Variants in CHD9 observed in about 807,000 individuals in gnomAD.
CHD9 encodes chromodomain helicase DNA binding protein 9.
Under a neutral mutation model 316.1 loss-of-function variants are expected in CHD9, and 77 were observed. The ratio of observed to expected loss-of-function variants is 0.24; its 90% CI spans 0.20 to 0.29. CHD9 has a LOEUF of 0.29. CHD9 is among the 10% of genes least tolerant of loss of function. The probability of loss-of-function intolerance (pLI) is 1.00; values close to 1 mark genes in which losing one functional copy is unlikely to be tolerated. For synonymous variants in CHD9, 1,129 were observed against 1,158.3 expected (o/e 0.97, Z 0.51); for missense variants, 2,763 against 3,438.1 (o/e 0.80, Z 4.91).
chr16:53,177,074 G>A (rs1203583381), intron 2 of CHD9, among the ~76,000 whole-genome samples: 2 of 152,132 alleles, frequency 1.3e-5, no homozygotes, highest in Non-Finnish European at 2.9e-5. Flanking sequence ...TCCTGCCTCA[G>A]CCTCCCAGGT....
intron 2 of CHD9, among the ~76,000 whole-genome samples, chr16:53,176,986 C>CA (rs2043138167): frequency 6.6e-6 from 1 of 152,114 alleles, no homozygotes; most frequent in Admixed American, 6.5e-5. Flanking sequence ...GACAGAGTCT[C>CA]ACTTTGTCGC....
rs974396887 is a variant in CHD9 at position 53,170,311 on chromosome 16, A to G, written c.1452+12770A>G. ...TATGTTATAAAAATGTGTTTATAAA[A>G]AATGTGTTATAAAAATTAATGTGTT... On this transcript the variant is annotated intron_variant, in intron 2 of 38. Coordinates refer to ENST00000447540, the MANE Select transcript of CHD9 (RefSeq NM_001308319.2). Among the ~76,000 whole-genome samples the G allele has an allele frequency of 3.9e-5, 6 of 152,316 alleles. No individual in the cohort carries two copies. In the South Asian group the frequency reaches 1.2e-3, roughly 32 times the overall value.
intron 1 of CHD9, among the ~76,000 whole-genome samples, chr16:53,097,783 T>C (rs2036506625): frequency 6.6e-6 from 1 of 152,224 alleles, no homozygotes; most frequent in Admixed American, 6.5e-5. Flanking sequence ...ATTGAATAGT[T>C]AATGAAAATT....
intron 1 of CHD9, among the ~76,000 whole-genome samples, chr16:53,134,969 A>G (rs919373495): frequency 6.6e-6 from 1 of 152,228 alleles, no homozygotes; most frequent in African/African-American, 2.4e-5. Flanking sequence ...TGATCAGTTC[A>G]GTGAAATAAA....
intron 30 of CHD9, among the ~76,000 whole-genome samples, chr16:53,301,347 T>C (rs938764943): frequency 3.3e-5 from 5 of 152,208 alleles, no homozygotes; most frequent in African/African-American, 7.2e-5. Context: ...TTCCACACTT[T>C]ACAGTGTCCT....
chr16:53,171,033 T>TAA (rs988263724), intron 2 of CHD9, among the ~76,000 whole-genome samples: 9 of 152,130 alleles, frequency 5.9e-5, no homozygotes, highest in Non-Finnish European at 1.0e-4. Flanking sequence ...ATAATATATA[T>TAA]AATAATTGTT....
intron 1 of CHD9, among the ~76,000 whole-genome samples, chr16:53,087,417 A>G (rs1178590615): frequency 1.3e-5 from 2 of 152,196 alleles, no homozygotes; most frequent in Non-Finnish European, 2.9e-5. Context: ...AGCTGTGAAT[A>G]TGAGACTCGG....
At chr16:53,125,017 T>A (rs2038908729) in intron 1 of CHD9, among the ~76,000 whole-genome samples, 1 of 152,202 alleles carries the variant, frequency 6.6e-6, no homozygotes, top group Non-Finnish European at 1.5e-5. Context: ...CTCTAACAAC[T>A]AATGTGTTGA....
intron 1 of CHD9, among the ~76,000 whole-genome samples, chr16:53,059,918 G>A (rs373669766): frequency 3.3e-5 from 5 of 152,340 alleles, no homozygotes; most frequent in South Asian, 4.1e-4. Flanking sequence ...AAAAGCAGCC[G>A]TAGATGGTAT....
chr16:53,239,681 A>G, intron 12 of CHD9, among the ~76,000 whole-genome samples: 1 of 152,122 alleles, frequency 6.6e-6, no homozygotes, highest in East Asian at 1.9e-4. Context: ...TTGAAGTAAG[A>G]TAATGTGCAT....
chr16:53,106,709 T>C (rs1170850824), intron 1 of CHD9, among the ~76,000 whole-genome samples: 1 of 152,044 alleles, frequency 6.6e-6, no homozygotes, highest in African/African-American at 2.4e-5. Flanking sequence ...GTGGTTATAG[T>C]GCAGAATCTA....
chr16:53,225,363 G>A (rs184337077), intron 4 of CHD9, among the ~76,000 whole-genome samples: 258 of 152,178 alleles, frequency 1.7e-3, no homozygotes, highest in Middle Eastern at 6.8e-3. Context: ...GCCACTACCC[G>A]CATGAAATGT....
At chr16:53,321,057 C>T (rs537044607) in intron 37 of CHD9, 1 of 374,190 alleles carries the variant, frequency 2.7e-6, no homozygotes, top group African/African-American at 2.1e-5. Flanking sequence ...CATATAATAA[C>T]TTATATTTAT....
intron 2 of CHD9, chr16:53,208,428 T>C (rs2046055887): frequency 1.6e-6 from 2 of 1,229,848 alleles, no homozygotes; most frequent in Non-Finnish European, 2.1e-6. Flanking sequence ...CCTTCCTTAT[T>C]ACTGGCTGCT....
chr16:53,070,471 T>C (rs2033914975), intron 1 of CHD9, among the ~76,000 whole-genome samples: 1 of 148,786 alleles, frequency 6.7e-6, no homozygotes, highest in African/African-American at 2.5e-5. Context: ...GAGTAGCATG[T>C]CTTTCTTTCT....
chr16:53,083,162 G>C (rs949054523), intron 1 of CHD9, among the ~76,000 whole-genome samples: 37 of 152,318 alleles, frequency 2.4e-4, no homozygotes, highest in African/African-American at 8.9e-4. Flanking sequence ...TGTATTTCCT[G>C]AAGTATGAGA....
At chr16:53,075,186 G>A (rs1038848221) in intron 1 of CHD9, among the ~76,000 whole-genome samples, 1 of 152,088 alleles carries the variant, frequency 6.6e-6, no homozygotes, top group African/African-American at 2.4e-5. Context: ...CTTTGTTTTG[G>A]CCAATTTCTC....
In CHD9 at chr16:53,156,879, G is replaced by A; in HGVS notation, c.790G>A (p.Val264Ile). Residue 264 changes from valine to isoleucine, a missense_variant, in exon 2 of 39, where the codon GTC (valine) becomes ATC (isoleucine). Transcript: ENST00000447540. ...TTCCCCAAATATGACTTCTTGTTCT[G>A]TCAGTAATTCACAGCAATTTTCTTC... ...GPSPNMTSCSVSNSQQFSSHY... is the reference protein window; with the variant it reads ...GPSPNMTSCSISNSQQFSSHY... 1.2e-6 allele frequency: 2 copies of A among 1,613,588 alleles called. No individual in the cohort carries two copies. Among genetic ancestry groups the A allele is most frequent in the Non-Finnish European group, 1.7e-6 (2 of 1,179,650 alleles).
chr16:53,058,681 G>T (rs1487539531), intron 1 of CHD9, among the ~76,000 whole-genome samples: 1 of 152,094 alleles, frequency 6.6e-6, no homozygotes, highest in East Asian at 1.9e-4. Flanking sequence ...ATCCTGGCAG[G>T]TTGGACAGGA....
Sources: allele counts gnomAD v4.1 joint callset (sites outside exome capture counted in the v4.1 genomes callset), GRCh38; gene constraint gnomAD v4.1.1; transcripts MANE v1.5; gene names NCBI Gene and HGNC (gene_info 2026-07-23, HGNC 2026-07-21).